RPP40: variants seen among roughly 807,000 people sequenced by gnomAD.
RPP40 encodes the protein ribonuclease P/MRP subunit p40, also known as ribonuclease P protein subunit p40.
RPP40 carries 30 observed loss-of-function variants against 42.5 expected under a neutral mutation model. The observed-to-expected ratio is 0.71, with a 90% CI of 0.53 to 0.96. The LOEUF is 0.96. Among genes scored for constraint, RPP40 ranks in the 40% least tolerant of loss-of-function variants. RPP40 has a pLI of 0.00. For synonymous variants in RPP40, 173 were observed against 164.0 expected, an observed-to-expected ratio of 1.05 and a Z score of -0.42; for missense variants, 426 against 433.5, an observed-to-expected ratio of 0.98 and a Z score of 0.15.
At chr6:4,989,548 C>T in the RPP40 span, among the ~76,000 whole-genome samples, 1 of 152,250 alleles carries the variant, frequency 6.6e-6, no homozygotes, top group African/African-American at 2.4e-5. Flanking sequence ...GACATCTTCA[C>T]AATATTGAGT....
downstream of RPP40, among the ~76,000 whole-genome samples, chr6:4,991,608 G>A (rs757401552): frequency 9.9e-5 from 15 of 152,134 alleles, no homozygotes; most frequent in Non-Finnish European, 1.6e-4. Context: ...AATTATTGAG[G>A]GTGGGGTATT....
At chr6:4,990,913 T>C (rs1436182058), downstream of RPP40, among the ~76,000 whole-genome samples, 1 of 152,206 alleles carries the variant, frequency 6.6e-6, no homozygotes, top group African/African-American at 2.4e-5. Flanking sequence ...CAATTTCATC[T>C]ATGTTGAATT....
chr6:4,997,305 C>A (rs1475223136), intron 5 of RPP40, among the ~76,000 whole-genome samples: 1 of 152,166 alleles, frequency 6.6e-6, no homozygotes, highest in East Asian at 1.9e-4. Flanking sequence ...CTGTGGGTGG[C>A]ACCATCTACC....
chr6:4,989,775 G>A (rs1759239294), downstream of RPP40, among the ~76,000 whole-genome samples: 1 of 151,972 alleles, frequency 6.6e-6, no homozygotes, highest in South Asian at 2.1e-4. Context: ...ACTGATTTTT[G>A]TACACTACTC....
chr6:4,995,574 C>A (rs728151), intron 7 of RPP40, among the ~76,000 whole-genome samples: 1 of 151,934 alleles, frequency 6.6e-6, no homozygotes, highest in Non-Finnish European at 1.5e-5. Context: ...TTTAAGGATC[C>A]TTTCCCTCCT....
At chr6:4,994,137 G>C (rs534771971), downstream of RPP40, among the ~76,000 whole-genome samples, 4 of 149,964 alleles carry the variant, frequency 2.7e-5, no homozygotes, top group Non-Finnish European at 5.9e-5. Context: ...TAAAAAAATG[G>C]TTCTTCAGAC....
rs746459205 is a variant in RPP40 at position 4,994,751 on chromosome 6, T to C, written c.*327A>G. The C allele has an allele frequency of 8.1e-6, 2 of 247,302 alleles. No homozygotes were observed. The highest frequency in any genetic ancestry group is 1.6e-5 in the Non-Finnish European group (2 of 128,264). The allele number at this position is 247,302 out of a possible 1,614,324, so 15.3% of individuals were successfully genotyped here. ...GATTTCTTTTTATTATCTGAAAAAGTTGTAATGAACAAAATATATCTCAAC... is the reference window on the plus strand; with the variant it reads ...GATTTCTTTTTATTATCTGAAAAAGCTGTAATGAACAAAATATATCTCAAC... On this transcript the variant is annotated 3_prime_UTR_variant, in exon 8 of 8. Coordinates refer to ENST00000380051, the MANE Select transcript of RPP40 (RefSeq NM_006638.4).
At chr6:4,991,434 T>C (rs767448417), downstream of RPP40, among the ~76,000 whole-genome samples, 9 of 152,232 alleles carry the variant, frequency 5.9e-5, no homozygotes, top group Non-Finnish European at 1.0e-4. Context: ...TCTCAAGTTA[T>C]TTCTCAAGAA....
downstream of RPP40, among the ~76,000 whole-genome samples, chr6:4,994,022 C>A (rs1486965962): frequency 6.6e-6 from 1 of 151,664 alleles, no homozygotes; most frequent in African/African-American, 2.4e-5. Flanking sequence ...GGAAAAGTGG[C>A]GTCAGTACTC....
At chr6:4,996,547 T>G in intron 5 of RPP40, 127 bp from the exon 6 acceptor site, 1 of 774,984 alleles carries the variant, frequency 1.3e-6, no homozygotes. Flanking sequence ...TGTGCAGAGC[T>G]GCATTCAAAT....
downstream of RPP40, among the ~76,000 whole-genome samples, chr6:4,992,034 C>G (rs1759267389): frequency 6.6e-6 from 1 of 152,158 alleles, no homozygotes; most frequent in African/African-American, 2.4e-5. Flanking sequence ...CCTGCACAGC[C>G]TGCAGAAACG....
chr6:4,989,831 CA>C (rs1196250805), downstream of RPP40, among the ~76,000 whole-genome samples: 2 of 152,176 alleles, frequency 1.3e-5, no homozygotes, highest in Admixed American at 6.5e-5. Flanking sequence ...TCTAGTAGCT[CA>C]TTTGTAGAGT....
chr6:4,993,689 G>A (rs952485926), downstream of RPP40, among the ~76,000 whole-genome samples: 3 of 152,120 alleles, frequency 2.0e-5, no homozygotes, highest in Non-Finnish European at 4.4e-5. Flanking sequence ...GACTATCCAG[G>A]TGGTGCAAAC....
downstream of RPP40, among the ~76,000 whole-genome samples, chr6:4,992,064 G>T (rs894909288): frequency 2.6e-5 from 4 of 152,174 alleles, no homozygotes; most frequent in African/African-American, 9.7e-5. Flanking sequence ...TAGGCCAGGT[G>T]TGGTGGCCCA....
chr6:5,002,119 T>C lies in RPP40; in HGVS notation c.250A>G (p.Ser84Gly). The change falls in exon 2 of 8, where the codon AGT becomes GGT. Residue 84 changes from serine (S) to glycine (G), a missense_variant. Coordinates refer to ENST00000380051, the MANE Select transcript of RPP40 (RefSeq NM_006638.4). ...TTCTTACCTTTCTTTATAAAGGTAC[T>C]GATGAATTCAGGTGTAATTAATTCA... Reference protein sequence around the residue: ...LHELITPEFISTFIKKGSCYA... With the variant: ...LHELITPEFIGTFIKKGSCYA... 1 of 1,613,186 alleles carries C rather than the reference T, an allele frequency of 6.2e-7. No individual in the cohort carries two copies. Among genetic ancestry groups the C allele is most frequent in the East Asian group, 2.2e-5 (1 of 44,878 alleles).
chr6:4,998,431 G>C (rs1046480006), intron 5 of RPP40, among the ~76,000 whole-genome samples: 2 of 152,180 alleles, frequency 1.3e-5, no homozygotes, highest in African/African-American at 4.8e-5. Context: ...AGAGAGGAAA[G>C]GGGAGAAATA....
intron 2 of RPP40, 194 bp downstream of exon 2, chr6:5,001,907 A>G: frequency 1.9e-6 from 1 of 530,154 alleles, no homozygotes; most frequent in Non-Finnish European, 3.3e-6. Flanking sequence ...GGCCAATTGC[A>G]ATCAGAAACC....
chr6:4,993,669 GA>G (rs919757526), downstream of RPP40, among the ~76,000 whole-genome samples: 4 of 152,192 alleles, frequency 2.6e-5, no homozygotes, highest in Non-Finnish European at 5.9e-5. Context: ...TCCCTCTTGA[GA>G]TTTTTTAAGA....
chr6:4,994,147 C>CA (rs995474292), downstream of RPP40, among the ~76,000 whole-genome samples: 1 of 144,132 alleles, frequency 6.9e-6, no homozygotes, highest in South Asian at 2.2e-4. Context: ...GTTCTTCAGA[C>CA]AAAAAACCAA....
Sources: allele counts gnomAD v4.1 joint callset (sites outside exome capture counted in the v4.1 genomes callset), GRCh38; gene constraint gnomAD v4.1.1; transcripts MANE v1.5; gene names NCBI Gene and HGNC (gene_info 2026-07-23, HGNC 2026-07-21).